DCTN5: variants seen among roughly 807,000 people sequenced by gnomAD.
DCTN5 encodes the protein dynactin subunit 5, also known as dynactin 4.
A neutral mutation model predicts 23.5 loss-of-function variants in DCTN5; 14 were observed. The ratio of observed to expected loss-of-function variants is 0.60; its 90% CI spans 0.39 to 0.93. The LOEUF (loss-of-function observed/expected upper bound fraction) is 0.93. Among genes scored for constraint, DCTN5 ranks in the 40% least tolerant of loss-of-function variants. DCTN5 has a pLI of 0.00. For synonymous variants in DCTN5, 67 were observed against 79.6 expected (o/e 0.84, Z 0.84); for missense variants, 156 against 225.9 (o/e 0.69, Z 1.98).
At chr16:23,643,382 A>G (rs894558213) in intron 2 of DCTN5, among the ~76,000 whole-genome samples, 2 of 151,642 alleles carry the variant, frequency 1.3e-5, no homozygotes, top group Admixed American at 6.6e-5. Context: ...TAGTAGAGAC[A>G]GGGTTTCATC....
chr16:23,661,490 G>T (rs538235043), intron 4 of DCTN5, among the ~76,000 whole-genome samples: 6,766 of 150,240 alleles, frequency 0.045, 276 homozygotes, highest in African/African-American at 0.097. Context: ...AGGTTGAAGT[G>T]GGCAGATCAC....
intron 2 of DCTN5, among the ~76,000 whole-genome samples, chr16:23,653,146 A>G (rs1281641653): frequency 6.6e-6 from 1 of 152,208 alleles, no homozygotes; most frequent in Non-Finnish European, 1.5e-5. Context: ...TGTCCCCCAA[A>G]AAATGAAAAA....
chr16:23,642,816 G>T, intron 1 of DCTN5, 139 bp from the exon 2 acceptor site: 1 of 670,720 alleles, frequency 1.5e-6, no homozygotes. Context: ...TTGCTTTTTT[G>T]ATATCCTGGA....
chr16:23,660,134 C>T (rs1950937844), intron 3 of DCTN5, among the ~76,000 whole-genome samples: 1 of 152,152 alleles, frequency 6.6e-6, no homozygotes, highest in South Asian at 2.1e-4. Context: ...AGTACTGCTA[C>T]AGACTGTGAT....
chr16:23,644,867 G>A (rs1013120131), intron 2 of DCTN5, among the ~76,000 whole-genome samples: 4 of 148,148 alleles, frequency 2.7e-5, no homozygotes, highest in Non-Finnish European at 4.5e-5. Context: ...CACAACCTCC[G>A]CCTCTTGGCT....
chr16:23,653,797 A>G (rs1967647745), intron 2 of DCTN5, among the ~76,000 whole-genome samples: 2 of 152,242 alleles, frequency 1.3e-5, no homozygotes, highest in African/African-American at 4.8e-5. Context: ...TTTGCAAACT[A>G]TGCATCTGAC....
rs926900423 is a variant in DCTN5, at chr16:23,659,664, G to A, written c.236+1039G>A. ...AAGGGAGCAATTAACTCAAACTAAT[G>A]ATAATACCCAGAAGTATATCATGCA... is the stretch of plus-strand genomic sequence containing the variant. On this transcript the variant is annotated intron_variant, in intron 3 of 5. Transcript: ENST00000300087. Among the ~76,000 whole-genome samples, 15 of 152,292 alleles carry A rather than the reference G, an allele frequency of 9.8e-5. 1 individual carries two copies. The highest frequency in any genetic ancestry group is 3.6e-4 in the African/African-American group (15 of 41,554).
rs566410722 is a variant in DCTN5 at position 23,641,963 on chromosome 16, ACT to A, written c.48+376_48+377del. Among the ~76,000 whole-genome samples, 58 of 150,760 alleles carry A rather than the reference ACT, an allele frequency of 3.8e-4. No individual in the cohort carries two copies. In the South Asian group the frequency reaches 9.8e-3, roughly 25 times the overall value. ...TGAGGAAGGGGGTTGGGGGGCGGAG[ACT>A]CTGTCGCCCAGTCCTGAGGGCCGCG... is the stretch of plus-strand genomic sequence containing the variant. On this transcript the variant is annotated intron_variant, in intron 1 of 5. Transcript: ENST00000300087.
intron 2 of DCTN5, among the ~76,000 whole-genome samples, chr16:23,652,606 A>G (rs1244592134): frequency 6.6e-6 from 1 of 152,242 alleles, no homozygotes; most frequent in Non-Finnish European, 1.5e-5. Flanking sequence ...CAATCAAGAT[A>G]TAGAATACAT....
chr16:23,666,238 C>T (rs1967903576), intron 5 of DCTN5, among the ~76,000 whole-genome samples: 1 of 152,178 alleles, frequency 6.6e-6, no homozygotes, highest in Admixed American at 6.5e-5. Context: ...CTGGGCTTAC[C>T]CTCACATTGG....
chr16:23,666,798 C>T (rs995223773), intron 5 of DCTN5: 11 of 540,988 alleles, frequency 2.0e-5, no homozygotes, highest in South Asian at 8.5e-5. Context: ...GCCATTCTAC[C>T]GTGTCATGCA....
intron 2 of DCTN5, among the ~76,000 whole-genome samples, chr16:23,646,301 C>T (rs761851768): frequency 6.6e-6 from 1 of 152,034 alleles, no homozygotes; most frequent in Non-Finnish European, 1.5e-5. Context: ...TTATTGAGTT[C>T]TAGGAGTTCT....
Position 23,643,024 on chromosome 16 carries a change from G to A in DCTN5, c.117+1G>A. On this transcript the variant is annotated splice_donor_variant, in intron 2 of 5. Transcript: ENST00000300087. LOFTEE classifies it high-confidence loss of function. Reference sequence around the variant, plus strand: ...CCAGAACATCGTTCTCAATGGCAAGGTAAGGGACAAAGCCAGCTCCAGGCT... The same window carrying A: ...CCAGAACATCGTTCTCAATGGCAAGATAAGGGACAAAGCCAGCTCCAGGCT... 6.2e-7 allele frequency: 1 copy of A among 1,614,032 alleles called. No homozygotes were observed. Among genetic ancestry groups the A allele is most frequent in the Non-Finnish European group, 8.5e-7 (1 of 1,179,886 alleles).
intron 4 of DCTN5, 84 bp downstream of exon 4, chr16:23,661,365 G>A (rs769605277): frequency 1.0e-6 from 1 of 955,426 alleles, no homozygotes; most frequent in Non-Finnish European, 1.7e-6. Flanking sequence ...CTGTTTCTGT[G>A]ACTAAGCAGG....
At chr16:23,650,141 C>A (rs1967568904) in intron 2 of DCTN5, among the ~76,000 whole-genome samples, 1 of 152,094 alleles carries the variant, frequency 6.6e-6, no homozygotes, top group African/African-American at 2.4e-5. Flanking sequence ...TGTGATGCCC[C>A]CTTCAGCTGT....
chr16:23,642,009 GC>G (rs1967285686), intron 1 of DCTN5, among the ~76,000 whole-genome samples: 1 of 152,134 alleles, frequency 6.6e-6, no homozygotes, highest in African/African-American at 2.4e-5. Flanking sequence ...TCTGCTCACT[GC>G]AACCTCCGCC....
chr16:23,652,919 G>A (rs1391094332), intron 2 of DCTN5, among the ~76,000 whole-genome samples: 1 of 152,168 alleles, frequency 6.6e-6, no homozygotes, highest in African/African-American at 2.4e-5. Context: ...AAGGTGGGAA[G>A]ATCTCTTGAG....
chr16:23,656,042 A>C (rs570210208), intron 2 of DCTN5, among the ~76,000 whole-genome samples: 1 of 152,272 alleles, frequency 6.6e-6, no homozygotes, highest in African/African-American at 2.4e-5. Flanking sequence ...TGGGCAACAT[A>C]GCAAGACCAT....
At chr16:23,650,205 A>ATC (rs1967570206) in intron 2 of DCTN5, among the ~76,000 whole-genome samples, 1 of 151,932 alleles carries the variant, frequency 6.6e-6, no homozygotes. Context: ...GAATTTTAGG[A>ATC]TCTTTTTTCT....
Sources: gnomAD v4.1 joint callset for allele counts (sites outside exome capture counted in the v4.1 genomes callset) on GRCh38, gnomAD v4.1.1 for gene constraint, MANE v1.5 for transcripts, NCBI Gene and HGNC (gene_info 2026-07-23, HGNC 2026-07-21) for gene names.